The following CXCL9 variants were observed in gnomAD, a reference collection of about 807,000 sequenced individuals.
CXCL9 encodes C-X-C motif chemokine 9.
A neutral mutation model predicts 11.7 loss-of-function variants in CXCL9; 8 were observed. The ratio of observed to expected loss-of-function variants is 0.68; its 90% CI spans 0.40 to 1.23. The LOEUF (loss-of-function observed/expected upper bound fraction) is 1.23. CXCL9 is among the 50% of genes most tolerant of loss of function. The probability of loss-of-function intolerance (pLI) is 0.01; values close to 1 mark genes in which losing one functional copy is unlikely to be tolerated. For synonymous variants in CXCL9, 43 were observed against 48.2 expected (o/e 0.89, Z 0.45); for missense variants, 133 against 141.7 (o/e 0.94, Z 0.31).
chr4:76,005,887 C>T (rs1057036217), intron 2 of CXCL9: 8 of 308,956 alleles, frequency 2.6e-5, no homozygotes, highest in South Asian at 1.9e-4. Flanking sequence ...TAGAATTATG[C>T]GTGATTTTTA....
rs1731470034 is a variant in CXCL9, at chr4:76,001,795, T to C, written c.*1803A>G. The C allele has an allele frequency of 1.3e-5, 2 of 156,146 alleles. No individual in the cohort carries two copies. The highest frequency in any genetic ancestry group is 1.3e-4 in the Admixed American group (2 of 15,374). The allele number at this position is 156,146 out of a possible 1,614,324, so 9.7% of individuals were successfully genotyped here. A position where few individuals can be genotyped will look rare whatever the true frequency, so the allele number is the denominator to read the frequency against. ...GATTAGATAAGACGTTCGGGTGGGA[T>C]CTCCACCGGACAGCACTCTAAATCA... On this transcript the variant is annotated 3_prime_UTR_variant, in exon 4 of 4. Coordinates refer to ENST00000264888, the MANE Select transcript of CXCL9 (RefSeq NM_002416.3).
Position 76,006,217 on chromosome 4 carries a change from A to T in CXCL9, c.122T>A (p.Ile41Asn). ...CSCISTNQGT[I>N]HLQSLKDLKQ... ...AAGGTCTTTCAAGGATTGTAGGTGGATAGTCCCTTGGTTGGTGCTGATGCA... is the reference window on the plus strand; with the variant it reads ...AAGGTCTTTCAAGGATTGTAGGTGGTTAGTCCCTTGGTTGGTGCTGATGCA... Residue 41 changes from isoleucine (I) to asparagine (N), a missense_variant, in exon 2 of 4, where the codon ATC becomes AAC. Coordinates refer to ENST00000264888, the MANE Select transcript of CXCL9 (RefSeq NM_002416.3). 5 of 1,613,810 alleles carry T rather than the reference A, an allele frequency of 3.1e-6. No individual in the cohort carries two copies. The highest frequency in any genetic ancestry group is 1.6e-4 in the Middle Eastern group (1 of 6,062).
chr4:76,003,772 C>T lies in CXCL9; in HGVS notation c.277-73G>A. 4.5e-6 allele frequency: 4 copies of T among 890,816 alleles called. 1 individual carries two copies. The South Asian group carries it at 5.6e-5, about 13-fold the overall frequency. The allele number at this position is 890,816 out of a possible 1,614,324, so 55.2% of individuals were successfully genotyped here. Reference sequence around the variant, plus strand: ...TTTACTTCCTTTTATTTGGACTCTCCTGATCATTGTCTCATACCCACATAG... The same window carrying T: ...TTTACTTCCTTTTATTTGGACTCTCTTGATCATTGTCTCATACCCACATAG... On this transcript the variant is annotated intron_variant, in intron 3 of 3. Coordinates refer to ENST00000264888, the MANE Select transcript of CXCL9 (RefSeq NM_002416.3).
chr4:76,005,958 G>T, intron 2 of CXCL9, 190 bp downstream of exon 2: 1 of 500,342 alleles, frequency 2.0e-6, no homozygotes, highest in Non-Finnish European at 3.7e-6. Flanking sequence ...GTCATTCTTG[G>T]GGCCTAATCT....
At position 76,001,894 on chromosome 4, in the gene CXCL9, T is replaced by C. The variant is rs41469350; in HGVS notation, c.*1704A>G. The C allele has an allele frequency of 1.7e-3, 308 of 180,324 alleles. No homozygotes were observed. The highest frequency in any genetic ancestry group is 6.7e-3 in the African/African-American group (287 of 42,806). The allele number at this position is 180,324 out of a possible 1,614,324, so 11.2% of individuals were successfully genotyped here. A position where few individuals can be genotyped will look rare whatever the true frequency, so the allele number is the denominator to read the frequency against. On this transcript the variant is annotated 3_prime_UTR_variant, in exon 4 of 4. Coordinates refer to ENST00000264888, the MANE Select transcript of CXCL9 (RefSeq NM_002416.3). ...AATTCTGGCCACAGACAACCTCTCCTACACAATTCACTGAACCTCCCCTGG... is the reference window on the plus strand; with the variant it reads ...AATTCTGGCCACAGACAACCTCTCCCACACAATTCACTGAACCTCCCCTGG...
intron 3 of CXCL9, among the ~76,000 whole-genome samples, chr4:76,004,393 T>C (rs1731537982): frequency 6.6e-6 from 1 of 152,072 alleles, no homozygotes; most frequent in African/African-American, 2.4e-5. Flanking sequence ...CCTGCCCCAT[T>C]CCCCCAGCAA....
rs1731482250 is a variant in CXCL9 at position 76,002,316 on chromosome 4, CAAGT to C, written c.*1278_*1281del. On this transcript the variant is annotated 3_prime_UTR_variant, in exon 4 of 4. Coordinates refer to ENST00000264888, the MANE Select transcript of CXCL9 (RefSeq NM_002416.3). Reference sequence around the variant, plus strand: ...TTTTAAAAACAGTCCAGAATATCCGCAAGTGTTTTACCACGTGCTTCTTATTGTT... The same window carrying C: ...TTTTAAAAACAGTCCAGAATATCCGCGTTTTACCACGTGCTTCTTATTGTT... 2 of 398,308 alleles carry C rather than the reference CAAGT, an allele frequency of 5.0e-6. No homozygotes were observed. Among genetic ancestry groups the C allele is most frequent in the Non-Finnish European group, 8.8e-6 (2 of 226,024 alleles). 24.7% of individuals were successfully genotyped at this position (398,308 alleles called of 1,614,324 possible).
chr4:76,007,058 T>C (rs1306904634), intron 1 of CXCL9, among the ~76,000 whole-genome samples: 2 of 152,186 alleles, frequency 1.3e-5, no homozygotes, highest in Non-Finnish European at 1.5e-5. Flanking sequence ...GGATCCTTAA[T>C]TGGTTAGCCA....
At position 76,006,265 on chromosome 4, in the gene CXCL9, A is replaced by G. The variant is rs771431360; in HGVS notation, c.74T>C (p.Val25Ala). 1.1e-5 allele frequency: 18 copies of G among 1,613,324 alleles called. No individual in the cohort carries two copies. In the East Asian group the frequency reaches 3.8e-4, roughly 34 times the overall value. The change falls in exon 2 of 4, where the codon GTA (valine) becomes GCA (alanine). Residue 25 changes from valine to alanine, a missense_variant. Val to Ala is a moderately conservative substitution (Grantham distance 64, BLOSUM62 0). Transcript: ENST00000264888. ...LVLIGVQGTPVVRKGRCSCIS... is the reference protein window; with the variant it reads ...LVLIGVQGTPAVRKGRCSCIS... ...GCAGGAACAGCGACCCTTTCTCACTACTGGGGTTCCTGAGGGAAAGAAAAA... is the reference window on the plus strand; with the variant it reads ...GCAGGAACAGCGACCCTTTCTCACTGCTGGGGTTCCTGAGGGAAAGAAAAA...
rs184096958 is a variant in CXCL9 at position 76,006,329 on chromosome 4, G to T, written c.65-55C>A. 5.0e-3 allele frequency: 7,665 copies of T among 1,543,594 alleles called. 40 individuals are homozygous for T. Among genetic ancestry groups the T allele is most frequent in the Non-Finnish European group, 5.1e-3 (5,777 of 1,133,566 alleles). ...AGTATAGGCCAATGTTTCAGTTTAGGTGATCTATCAAAATGATACACTTGA... is the reference window on the plus strand; with the variant it reads ...AGTATAGGCCAATGTTTCAGTTTAGTTGATCTATCAAAATGATACACTTGA... On this transcript the variant is annotated intron_variant, in intron 1 of 3. Coordinates refer to ENST00000264888, the MANE Select transcript of CXCL9 (RefSeq NM_002416.3).
intron 3 of CXCL9, among the ~76,000 whole-genome samples, chr4:76,004,499 G>T (rs1048447456): frequency 2.6e-5 from 4 of 152,080 alleles, no homozygotes; most frequent in African/African-American, 7.2e-5. Context: ...CACTACAACA[G>T]GAAGGGACTA....
intron 3 of CXCL9, among the ~76,000 whole-genome samples, chr4:76,004,429 G>A (rs775998547): frequency 2.6e-5 from 4 of 152,120 alleles, no homozygotes; most frequent in Non-Finnish European, 4.4e-5. Context: ...CCTCTATGTC[G>A]TCAAGATTCT....
At chr4:76,004,084 CTG>C (rs1031219623) in intron 3 of CXCL9, among the ~76,000 whole-genome samples, 57 of 152,300 alleles carry the variant, frequency 3.7e-4, no homozygotes, top group African/African-American at 1.3e-3. Context: ...AACCTCCAGT[CTG>C]TGAGACTCCA....
chr4:76,005,747 G>A (rs1731572172), intron 2 of CXCL9: 1 of 167,722 alleles, frequency 6.0e-6, no homozygotes, highest in Admixed American at 5.7e-5. Flanking sequence ...ACAGTGTATA[G>A]TATATGATTT....
chr4:76,006,041 C>T (rs1731579550), intron 2 of CXCL9, 107 bp downstream of exon 2: 1 of 997,396 alleles, frequency 1.0e-6, no homozygotes, highest in African/African-American at 1.6e-5. Flanking sequence ...GGGTAACCAT[C>T]TGATTTTTAA....
Position 76,007,356 on chromosome 4 carries a change from T to C in CXCL9, c.64+30A>G, listed in dbSNP as rs376172940. 3.5e-5 allele frequency: 44 copies of C among 1,257,834 alleles called. 1 individual carries two copies. In the East Asian group the frequency reaches 6.7e-4, roughly 19 times the overall value. 77.9% of individuals were successfully genotyped at this position (1,257,834 alleles called of 1,614,324 possible). A position where few individuals can be genotyped will look rare whatever the true frequency, so the allele number is the denominator to read the frequency against. ...TTCTTTTACAGTGAATCACTTCTCT[T>C]ACTTTACAACCTAACTCAGAACCCC... On this transcript the variant is annotated intron_variant, in intron 1 of 3. Coordinates refer to ENST00000264888, the MANE Select transcript of CXCL9 (RefSeq NM_002416.3).
chr4:76,003,811 T>C, intron 3 of CXCL9, 112 bp from the exon 4 acceptor site: 1 of 655,630 alleles, frequency 1.5e-6, no homozygotes, highest in Non-Finnish European at 2.7e-6. Context: ...CAAAACCACA[T>C]TAAAGTCACT....
Position 76,004,888 on chromosome 4 carries a change from G to GT in CXCL9, c.196dup (p.Thr66AsnfsTer22). 2.5e-6 allele frequency: 4 copies of GT among 1,573,070 alleles called. 1 individual carries two copies. In the South Asian group the frequency reaches 4.9e-5, roughly 19 times the overall value. ...ACATGTTTGAACTCCATTCTTCAGT[G>GT]TAGCACTGCCAAAGAAATAGCAATG... On this transcript the variant is annotated frameshift_variant, in exon 3 of 4. Coordinates refer to ENST00000264888, the MANE Select transcript of CXCL9 (RefSeq NM_002416.3). LOFTEE classifies it high-confidence loss of function.
rs1731608056 is a variant in CXCL9, at chr4:76,007,367, C to T, written c.64+19G>A. On this transcript the variant is annotated intron_variant, in intron 1 of 3. Transcript: ENST00000264888. The stretch of plus-strand genomic sequence containing the variant: ...TGAATCACTTCTCTTACTTTACAAC[C>T]TAACTCAGAACCCCTTACCTTGCAC... 8 of 1,432,204 alleles carry T rather than the reference C, an allele frequency of 5.6e-6. No homozygotes were observed. Among genetic ancestry groups the T allele is most frequent in the African/African-American group, 1.4e-5 (1 of 71,232 alleles). The allele number at this position is 1,432,204 out of a possible 1,614,324, so 88.7% of individuals were successfully genotyped here. A position where few individuals can be genotyped will look rare whatever the true frequency, so the allele number is the denominator to read the frequency against.
Sources: gnomAD v4.1 joint callset for allele counts (sites outside exome capture counted in the v4.1 genomes callset) on GRCh38, gnomAD v4.1.1 for gene constraint, MANE v1.5 for transcripts, NCBI Gene and HGNC (gene_info 2026-07-23, HGNC 2026-07-21) for gene names.